Variants in TTLL6 observed in about 807,000 individuals in gnomAD.
The protein encoded by TTLL6 is tubulin tyrosine ligase like 6.
Under a neutral mutation model 96.4 loss-of-function variants are expected in TTLL6, and 75 were observed. The ratio of observed to expected loss-of-function variants is 0.78; its 90% CI spans 0.65 to 0.94. The LOEUF is 0.94. Among genes scored for constraint, TTLL6 ranks in the 40% least tolerant of loss-of-function variants. The pLI, the probability that TTLL6 is intolerant of heterozygous loss-of-function variation, is 0.00. For synonymous variants in TTLL6, 411 were observed against 419.4 expected, an observed-to-expected ratio of 0.98 and a Z score of 0.24; for missense variants, 1,030 against 1,093.0, an observed-to-expected ratio of 0.94 and a Z score of 0.81.
Position 48,770,054 on chromosome 17 carries a change from A to G in TTLL6, c.2084T>C (p.Leu695Pro), listed in dbSNP as rs1345730685. The change falls in exon 14 of 16, where the codon CTC becomes CCC. Residue 695 changes from leucine to proline, a missense_variant. Physicochemically the swap from Leu to Pro is moderately conservative, Grantham distance 98. Coordinates refer to ENST00000393382, the MANE Select transcript of TTLL6 (RefSeq NM_001130918.3). ...VETTPESTTQ[L>P]SISPKSPPTL... Reference sequence around the variant, plus strand: ...TGGCGGAGACTTTGGGGAGATTGAGAGTTGGGTGGTGGATTCTGGGGTGGT... The same window carrying G: ...TGGCGGAGACTTTGGGGAGATTGAGGGTTGGGTGGTGGATTCTGGGGTGGT... The G allele has an allele frequency of 6.8e-6, 11 of 1,613,662 alleles. No individual in the cohort carries two copies. The highest frequency in any genetic ancestry group is 8.5e-6 in the Non-Finnish European group (10 of 1,179,692).
In TTLL6 at chr17:48,817,108, G is replaced by T. The variant is rs1411026618; in HGVS notation, c.-36C>A. 22 of 1,501,898 alleles carry T rather than the reference G, an allele frequency of 1.5e-5. No homozygotes were observed. The highest frequency in any genetic ancestry group is 1.8e-5 in the Non-Finnish European group (20 of 1,119,192). The allele number at this position is 1,501,898 out of a possible 1,614,324, so 93.0% of individuals were successfully genotyped here. A position where few individuals can be genotyped will look rare whatever the true frequency, so the allele number is the denominator to read the frequency against. ...ACAGCCCCAACCCCAACCCGCGCTC[G>T]CCCTAACTTTGGGTCCGCCCGGCCC... On this transcript the variant is annotated 5_prime_UTR_variant, in exon 1 of 16. Transcript: ENST00000393382.
chr17:48,789,957 C>T lies in TTLL6; in HGVS notation c.1374G>A (p.Leu458=), dbSNP rs1416218484. Residue 458 remains leucine, a synonymous_variant, in exon 10 of 16, where the codon CTG becomes CTA. Coordinates refer to ENST00000393382, the MANE Select transcript of TTLL6 (RefSeq NM_001130918.3). ...LEEERQRGQF[L]QQCCSREMRI... is the part of the protein sequence containing the mutation. ...TCATCTCCCGAGAACAACACTGCTG[C>T]AGGAACTGCCCCCGTTGTCTCTCCT... The T allele has an allele frequency of 6.2e-7, 1 of 1,614,190 alleles. No homozygotes were observed. Among genetic ancestry groups the T allele is most frequent in the East Asian group, 2.2e-5 (1 of 44,890 alleles).
chr17:48,798,658 G>C (rs2039359193), intron 6 of TTLL6, among the ~76,000 whole-genome samples: 1 of 152,088 alleles, frequency 6.6e-6, no homozygotes, highest in African/African-American at 2.4e-5. Context: ...AGGATTGCAT[G>C]AACTCACGAG....
At chr17:48,815,330 G>A (rs1323786531) in intron 1 of TTLL6, 2 of 152,032 alleles carry the variant, frequency 1.3e-5, no homozygotes, top group South Asian at 2.1e-4. Flanking sequence ...TTTCCTTCAC[G>A]TACCTCCTTT....
chr17:48,786,494 G>C (rs1217816656), intron 11 of TTLL6, among the ~76,000 whole-genome samples, 159 bp from the exon 12 acceptor site: 1 of 152,234 alleles, frequency 6.6e-6, no homozygotes, highest in Non-Finnish European at 1.5e-5. Context: ...ATGTCAAGGA[G>C]CAGGGTGTGG....
chr17:48,789,154 G>C (rs1368480114), intron 10 of TTLL6, among the ~76,000 whole-genome samples: 1 of 151,290 alleles, frequency 6.6e-6, no homozygotes, highest in East Asian at 1.9e-4. Context: ...TTTTATACTG[G>C]TAATTCCTAA....
In TTLL6 at chr17:48,770,510, G is replaced by GTTATTATTATTA. The variant is rs145832180; in HGVS notation, c.2041-425_2041-414dup. On this transcript the variant is annotated intron_variant, in intron 13 of 15. Coordinates refer to ENST00000393382, the MANE Select transcript of TTLL6 (RefSeq NM_001130918.3). ...AACAATAGGTATTATTATTGTTGTT[G>GTTATTATTATTA]TTATTATTATTATTATTATTATTTG... Among the ~76,000 whole-genome samples the GTTATTATTATTA allele has an allele frequency of 9.5e-3, 1,409 of 147,856 alleles. 20 individuals are homozygous for GTTATTATTATTA. Among genetic ancestry groups the GTTATTATTATTA allele is most frequent in the African/African-American group, 0.031 (1,239 of 40,162 alleles).
chr17:48,795,171 C>T (rs192247709), intron 8 of TTLL6, among the ~76,000 whole-genome samples: 11 of 152,058 alleles, frequency 7.2e-5, no homozygotes, highest in Non-Finnish European at 1.5e-4. Flanking sequence ...ACTAAAAATA[C>T]AAAACTTAGC....
At chr17:48,790,201 C>T (rs139861324) in intron 9 of TTLL6, 95 bp from the exon 10 acceptor site, 2 of 1,328,674 alleles carry the variant, frequency 1.5e-6, no homozygotes, top group Non-Finnish European at 2.1e-6. Context: ...TACCAAAGCC[C>T]ACCTCAGGGC....
chr17:48,766,954 G>GTTTT (rs753819952), intron 15 of TTLL6, among the ~76,000 whole-genome samples: 1 of 151,960 alleles, frequency 6.6e-6, no homozygotes, highest in Admixed American at 6.6e-5. Flanking sequence ...GTTTTGTTTT[G>GTTTT]TTTTGTGTTT....
intron 13 of TTLL6, among the ~76,000 whole-genome samples, chr17:48,773,782 C>T (rs1176441462): frequency 6.6e-6 from 1 of 151,586 alleles, no homozygotes; most frequent in Non-Finnish European, 1.5e-5. Context: ...AAGGTTTCTC[C>T]TTAAAAAACT....
At chr17:48,780,372 A>G (rs527349666) in intron 13 of TTLL6, among the ~76,000 whole-genome samples, 1 of 152,284 alleles carries the variant, frequency 6.6e-6, no homozygotes, top group Admixed American at 6.5e-5. Context: ...CATTCTTTAA[A>G]TGGGAAAACT....
intron 13 of TTLL6, among the ~76,000 whole-genome samples, chr17:48,782,719 T>C (rs984759098): frequency 6.6e-6 from 1 of 152,116 alleles, no homozygotes; most frequent in Non-Finnish European, 1.5e-5. Context: ...TTTTTTCTTT[T>C]TTCTTTTTTT....
At chr17:48,782,105 C>CTTTTT (rs34486928) in intron 13 of TTLL6, among the ~76,000 whole-genome samples, 39 of 122,574 alleles carry the variant, frequency 3.2e-4, no homozygotes, top group Non-Finnish European at 3.9e-4. Flanking sequence ...TTTTTCTTTT[C>CTTTTT]TTTTTTTTTT....
intron 1 of TTLL6, among the ~76,000 whole-genome samples, chr17:48,810,170 G>GA (rs896278674): frequency 7.0e-6 from 1 of 143,148 alleles, no homozygotes. Context: ...GAAAAGAAAA[G>GA]AAAAAAAAGG....
chr17:48,797,143 T>A lies in TTLL6; in HGVS notation c.830A>T (p.Asp277Val). The change falls in exon 7 of 16, where the codon GAC becomes GTC. Residue 277 changes from aspartate to valine, a missense_variant. Asp to Val is a radical substitution (Grantham distance 152). Transcript: ENST00000393382. ...ATTGTACACAAAAATCCTGAGAGGG[T>A]CACAGGATGTCACCAGTACATAAAT... The part of the protein sequence containing the change: ...LRIYVLVTSC[D>V]PLRIFVYNEG... The A allele has an allele frequency of 6.4e-7, 1 of 1,551,468 alleles. No homozygotes were observed. Among genetic ancestry groups the A allele is most frequent in the Non-Finnish European group, 8.7e-7 (1 of 1,146,956 alleles).
intron 1 of TTLL6, among the ~76,000 whole-genome samples, chr17:48,808,526 A>G (rs576680951): frequency 3.9e-5 from 6 of 152,092 alleles, no homozygotes; most frequent in African/African-American, 1.4e-4. Flanking sequence ...GAGCCCCACA[A>G]TCTCTTGGGA....
rs2039679387 is a variant in TTLL6 at position 48,817,102 on chromosome 17, G to A, written c.-30C>T. ...TGCCAGACAGCCCCAACCCCAACCC[G>A]CGCTCGCCCTAACTTTGGGTCCGCC... On this transcript the variant is annotated 5_prime_UTR_variant, in exon 1 of 16. Transcript: ENST00000393382. 26 of 1,511,468 alleles carry A rather than the reference G, an allele frequency of 1.7e-5. No homozygotes were observed. The highest frequency in any genetic ancestry group is 2.1e-5 in the Non-Finnish European group (24 of 1,126,752). The allele number at this position is 1,511,468 out of a possible 1,614,324, so 93.6% of individuals were successfully genotyped here. A position where few individuals can be genotyped will look rare whatever the true frequency, so the allele number is the denominator to read the frequency against.
At position 48,797,168 on chromosome 17, in the gene TTLL6, T is replaced by G; in HGVS notation, c.805A>C (p.Ile269Leu). The G allele has an allele frequency of 6.4e-7, 1 of 1,551,478 alleles. No individual in the cohort carries two copies. ...IIDGFKFDLR[I>L]YVLVTSCDPL... is the part of the protein sequence containing the mutation. The stretch of plus-strand genomic sequence containing the variant: ...TCACAGGATGTCACCAGTACATAAA[T>G]CCGTAGGTCAAACTTAAACCCATCA... The change falls in exon 7 of 16, where the codon ATT (isoleucine) becomes CTT (leucine). Residue 269 changes from isoleucine (I) to leucine (L), a missense_variant. Physicochemically the swap from Ile to Leu is conservative, Grantham distance 5. Transcript: ENST00000393382.
Sources: gnomAD v4.1 joint callset for allele counts (sites outside exome capture counted in the v4.1 genomes callset) on GRCh38, gnomAD v4.1.1 for gene constraint, MANE v1.5 for transcripts, NCBI Gene and HGNC (gene_info 2026-07-23, HGNC 2026-07-21) for gene names.